Variants in TANC2 observed in about 807,000 individuals in gnomAD.
TANC2 encodes the protein tetratricopeptide repeat, ankyrin repeat and coiled-coil containing 2, also known as protein TANC2.
In TANC2, 26 loss-of-function variants were observed where a neutral mutation model predicts 210.5. That is an observed-to-expected ratio of 0.12 (90% CI 0.09 to 0.17). The LOEUF (loss-of-function observed/expected upper bound fraction) is 0.17, where lower values mean the gene tolerates loss of function less well. TANC2 is among the 10% of genes least tolerant of loss of function. The pLI is 1.00. For synonymous variants in TANC2, 931 were observed against 967.1 expected, an observed-to-expected ratio of 0.96 and a Z score of 0.69; for missense variants, 2,129 against 2,608.9, an observed-to-expected ratio of 0.82 and a Z score of 4.01.
chr17:63,170,123 C>G (rs1192568784), intron 5 of TANC2, among the ~76,000 whole-genome samples: 1 of 140,444 alleles, frequency 7.1e-6, no homozygotes. Flanking sequence ...GAGCAAGACT[C>G]TGTCTCAAAA....
chr17:63,304,050 G>A (rs534588255), intron 9 of TANC2, among the ~76,000 whole-genome samples: 207 of 152,042 alleles, frequency 1.4e-3, no homozygotes, highest in Non-Finnish European at 2.4e-3. Flanking sequence ...TTAGCTCAGC[G>A]GAGTTTATTA....
intron 5 of TANC2, among the ~76,000 whole-genome samples, chr17:63,160,980 T>A (rs916842007): frequency 1.3e-5 from 2 of 152,210 alleles, no homozygotes; most frequent in South Asian, 4.1e-4. Context: ...ACATGTTAAC[T>A]GTGTCTCCTT....
intron 13 of TANC2, among the ~76,000 whole-genome samples, chr17:63,353,847 G>T (rs1419224873): frequency 6.6e-6 from 1 of 152,072 alleles, no homozygotes; most frequent in African/African-American, 2.4e-5. Context: ...ATGAGAACTG[G>T]AACTTTATTA....
At chr17:62,972,257 G>A (rs1017484662) in intron 1 of TANC2, among the ~76,000 whole-genome samples, 1 of 152,104 alleles carries the variant, frequency 6.6e-6, no homozygotes, top group Non-Finnish European at 1.5e-5. Context: ...CACACATGAC[G>A]TATCTTGTTA....
At chr17:63,405,870 TC>T (rs2048487649) in intron 20 of TANC2, among the ~76,000 whole-genome samples, 1 of 152,214 alleles carries the variant, frequency 6.6e-6, no homozygotes, top group South Asian at 2.1e-4. Flanking sequence ...TGTTGGAACT[TC>T]CGCTATGGGA....
chr17:63,078,462 T>A (rs2036647545), intron 3 of TANC2, among the ~76,000 whole-genome samples: 1 of 152,128 alleles, frequency 6.6e-6, no homozygotes, highest in Non-Finnish European at 1.5e-5. Flanking sequence ...TGCTTTGGGT[T>A]TAATTTTATC....
In TANC2 at chr17:63,262,025, G is replaced by A. The variant is rs933690622; in HGVS notation, c.1034-5723G>A. 5.9e-5 allele frequency among the ~76,000 whole-genome samples: 9 copies of A among 152,194 alleles called. No homozygotes were observed. The East Asian group carries it at 1.5e-3, about 26-fold the overall frequency. On this transcript the variant is annotated intron_variant, in intron 8 of 27. Transcript: ENST00000689528. ...GGTTTGTTATCTAAAAACTAAATTG[G>A]AAACTTAATTTACATCAAAACTTGT...
exon 28 of TANC2, chr17:63,422,006 G>A (rs1297793506): frequency 1.3e-6 from 2 of 1,538,980 alleles, no homozygotes; most frequent in Non-Finnish European, 1.7e-6. Context: ...ACATTTTCAG[G>A]CTTGGTTTCC....
intron 1 of TANC2, among the ~76,000 whole-genome samples, chr17:62,986,633 G>T (rs542487004): frequency 1.3e-5 from 2 of 152,092 alleles, no homozygotes; most frequent in African/African-American, 2.4e-5. Flanking sequence ...AAACACAGGC[G>T]CATGACTGTA....
At chr17:63,414,362 A>G (rs963472722) in intron 25 of TANC2, 7 of 152,268 alleles carry the variant, frequency 4.6e-5, no homozygotes, top group African/African-American at 1.7e-4. Flanking sequence ...CACCTGTGTC[A>G]GGAGTGTACA....
At chr17:63,041,705 T>C (rs1325501839) in intron 2 of TANC2, among the ~76,000 whole-genome samples, 1 of 152,202 alleles carries the variant, frequency 6.6e-6, no homozygotes, top group African/African-American at 2.4e-5. Context: ...AAGAGTTTTA[T>C]GTTAACTGAT....
chr17:63,261,451 T>G (rs571652439), intron 8 of TANC2, among the ~76,000 whole-genome samples: 1 of 152,150 alleles, frequency 6.6e-6, no homozygotes, highest in South Asian at 2.1e-4. Context: ...AAGGGGATCC[T>G]GCTCAGCTGA....
chr17:63,204,622 A>T (rs887956791), intron 7 of TANC2, among the ~76,000 whole-genome samples: 16 of 151,806 alleles, frequency 1.1e-4, no homozygotes, highest in Non-Finnish European at 2.1e-4. Flanking sequence ...AGAAAGAAAG[A>T]CTCATCCTAA....
At chr17:63,321,552 G>A (rs190585487) in intron 11 of TANC2, among the ~76,000 whole-genome samples, 14 of 152,238 alleles carry the variant, frequency 9.2e-5, no homozygotes, top group Admixed American at 3.3e-4. Context: ...CCAAAAGTCA[G>A]TATTCCTAAG....
intron 9 of TANC2, among the ~76,000 whole-genome samples, chr17:63,281,148 G>C (rs529782282): frequency 1.3e-4 from 20 of 152,214 alleles, no homozygotes; most frequent in African/African-American, 4.8e-4. Context: ...GTTTACATTT[G>C]AAATATAGGG....
intron 2 of TANC2, among the ~76,000 whole-genome samples, chr17:63,022,699 C>T (rs546188505): frequency 1.3e-5 from 2 of 152,194 alleles, no homozygotes; most frequent in Non-Finnish European, 2.9e-5. Flanking sequence ...CCTCCCATCA[C>T]AGGCCCAGAG....
At chr17:63,046,405 C>T (rs903125106) in intron 2 of TANC2, among the ~76,000 whole-genome samples, 1 of 139,404 alleles carries the variant, frequency 7.2e-6, no homozygotes, top group African/African-American at 2.7e-5. Flanking sequence ...CCATCTCGGT[C>T]ACTGCATCCT....
At position 63,270,552 on chromosome 17, in the gene TANC2, A is replaced by G. The variant is rs540392495; in HGVS notation, c.1159+2679A>G. Among the ~76,000 whole-genome samples, 7 of 152,206 alleles carry G rather than the reference A, an allele frequency of 4.6e-5. No individual in the cohort carries two copies. In the South Asian group the frequency reaches 1.4e-3, roughly 31 times the overall value. On this transcript the variant is annotated intron_variant, in intron 9 of 27. Coordinates refer to ENST00000689528, the Ensembl canonical transcript of TANC2. ...ATTAAAATGAAACTACCCCCAAAAAAGTAATGAAATGATTGAAAATCTTTT... is the reference window on the plus strand; with the variant it reads ...ATTAAAATGAAACTACCCCCAAAAAGGTAATGAAATGATTGAAAATCTTTT...
At chr17:63,250,738 C>T (rs1396412889) in intron 8 of TANC2, among the ~76,000 whole-genome samples, 2 of 152,190 alleles carry the variant, frequency 1.3e-5, no homozygotes, top group East Asian at 3.9e-4. Context: ...CATTAATAAA[C>T]AAAACAAAGA....
Sources: allele counts gnomAD v4.1 joint callset (sites outside exome capture counted in the v4.1 genomes callset), GRCh38; gene constraint gnomAD v4.1.1; transcripts MANE v1.5; gene names NCBI Gene and HGNC (gene_info 2026-07-23, HGNC 2026-07-21).